Variants in CPLX1 observed in about 807,000 individuals in gnomAD.
The protein encoded by CPLX1 is complexin 1.
In CPLX1, 6 loss-of-function variants were observed where a neutral mutation model predicts 15.6. The observed-to-expected ratio is 0.39, with a 90% CI of 0.21 to 0.76. The LOEUF is 0.76. CPLX1 is among the 30% of genes least tolerant of loss of function. The pLI, the probability that CPLX1 is intolerant of heterozygous loss-of-function variation, is 0.43. For missense variants in CPLX1, 242 were observed against 188.6 expected (o/e 1.28, Z -1.66); for synonymous variants, 91 against 75.2 (o/e 1.21, Z -1.08).
intron 2 of CPLX1, among the ~76,000 whole-genome samples, chr4:820,817 C>T (rs6599383): frequency 0.43 from 54,963 of 128,840 alleles, 10,325 homozygotes; most frequent in Middle Eastern, 0.54. Flanking sequence ...CCTCACCAGC[C>T]TCGCGTGAAC....
At chr4:788,663 TC>T in intron 3 of CPLX1, 1 of 891,306 alleles carries the variant, frequency 1.1e-6, no homozygotes, top group Non-Finnish European at 1.3e-6. Context: ...GGGCAGCAGC[TC>T]CAGGCACGGA....
rs924311698 is a variant in CPLX1 at position 809,004 on chromosome 4, G to T, written c.31+15488C>A. On this transcript the variant is annotated intron_variant, in intron 2 of 3. Coordinates refer to ENST00000304062, the MANE Select transcript of CPLX1 (RefSeq NM_006651.4). ...AGAGATAGCGATAGAGATAGAGAGC[G>T]CGCGAGTGCGCGGGCGGCAGGCCGG... Among the ~76,000 whole-genome samples, 5 of 152,274 alleles carry T rather than the reference G, an allele frequency of 3.3e-5. 1 individual carries two copies. In the South Asian group the frequency reaches 1.0e-3, roughly 31 times the overall value.
At chr4:787,283 A>C in intron 3 of CPLX1, 1 of 985,346 alleles carries the variant, frequency 1.0e-6, no homozygotes, top group South Asian at 4.7e-5. Context: ...GTGTCCTGGA[A>C]TCCCGCCTAG....
intron 1 of CPLX1, 181 bp from the exon 2 acceptor site, chr4:824,782 G>A (rs570724618): frequency 1.5e-5 from 10 of 679,512 alleles, no homozygotes; most frequent in African/African-American, 5.3e-5. Context: ...GACCCCAGAG[G>A]ACCTGAAAAT....
chr4:810,975 G>A (rs2152646929), intron 2 of CPLX1, among the ~76,000 whole-genome samples: 1 of 152,144 alleles, frequency 6.6e-6, no homozygotes, highest in East Asian at 1.9e-4. Flanking sequence ...GGGATTACAG[G>A]TGTAAGCCAC....
chr4:819,464 G>A (rs562585488), intron 2 of CPLX1, among the ~76,000 whole-genome samples: 5 of 152,346 alleles, frequency 3.3e-5, no homozygotes, highest in African/African-American at 9.6e-5. Flanking sequence ...TCGACCACAC[G>A]GCGTTTGTGA....
intron 2 of CPLX1, among the ~76,000 whole-genome samples, chr4:818,274 C>G (rs758102569): frequency 2.6e-5 from 4 of 152,236 alleles, no homozygotes; most frequent in Non-Finnish European, 5.9e-5. Context: ...GACCTGCTCA[C>G]CTGCTGACAC....
chr4:789,628 G>A (rs533455168), intron 3 of CPLX1, among the ~76,000 whole-genome samples: 6 of 152,266 alleles, frequency 3.9e-5, no homozygotes, highest in Admixed American at 6.5e-5. Context: ...GGACAAGGGC[G>A]GGTCAGTGCG....
intron 2 of CPLX1, among the ~76,000 whole-genome samples, chr4:815,410 CAAAAA>C (rs71166897): frequency 1.4e-4 from 13 of 93,352 alleles, no homozygotes; most frequent in African/African-American, 4.2e-4. Flanking sequence ...GACTCCGTCT[CAAAAA>C]AAAAAAAAAA....
At chr4:794,900 A>G (rs1746287699) in intron 2 of CPLX1, among the ~76,000 whole-genome samples, 1 of 152,164 alleles carries the variant, frequency 6.6e-6, no homozygotes, top group Non-Finnish European at 1.5e-5. Flanking sequence ...GCCGGCATTT[A>G]TAGAGCACCA....
intron 2 of CPLX1, among the ~76,000 whole-genome samples, chr4:795,823 C>A (rs1036212410): frequency 2.3e-4 from 35 of 151,716 alleles, no homozygotes; most frequent in African/African-American, 8.2e-4. Context: ...GGGTGCAGAT[C>A]GCGGCGCCTC....
At chr4:788,449 GCC>G in intron 3 of CPLX1, 1 of 985,370 alleles carries the variant, frequency 1.0e-6, no homozygotes, top group Non-Finnish European at 1.2e-6. Flanking sequence ...CCGTGGGCTC[GCC>G]CTAGTCCTCA....
chr4:818,338 G>T (rs1488121451), intron 2 of CPLX1, among the ~76,000 whole-genome samples: 1 of 152,264 alleles, frequency 6.6e-6, no homozygotes, highest in Admixed American at 6.5e-5. Flanking sequence ...CAAGCTGATT[G>T]TGGACCAGCC....
At chr4:819,770 C>T (rs948392571) in intron 2 of CPLX1, among the ~76,000 whole-genome samples, 1 of 152,216 alleles carries the variant, frequency 6.6e-6, no homozygotes, top group Admixed American at 6.5e-5. Flanking sequence ...CTGTAAAGAC[C>T]ACCACTAAAC....
At chr4:790,747 G>A (rs540890127) in intron 3 of CPLX1, among the ~76,000 whole-genome samples, 20 of 152,068 alleles carry the variant, frequency 1.3e-4, no homozygotes, top group South Asian at 4.2e-4. Flanking sequence ...GCCCACCATC[G>A]CTTTGTGTCC....
intron 2 of CPLX1, among the ~76,000 whole-genome samples, chr4:793,529 C>A (rs1297695129): frequency 6.6e-6 from 1 of 152,230 alleles, no homozygotes; most frequent in Admixed American, 6.5e-5. Context: ...GGAGCCCTGG[C>A]CCTCGGCAGC....
At position 800,588 on chromosome 4, in the gene CPLX1, G is replaced by GTA. The variant is rs886585727; in HGVS notation, c.32-7982_32-7981dup. On this transcript the variant is annotated intron_variant, in intron 2 of 3. Coordinates refer to ENST00000304062, the MANE Select transcript of CPLX1 (RefSeq NM_006651.4). ...TATGTGTGTGTGTGTGTATATATAT[G>GTA]TATATATATATATATTAGCCAGACA... 3.0e-3 allele frequency among the ~76,000 whole-genome samples: 373 copies of GTA among 124,110 alleles called. 3 individuals carry two copies. Among genetic ancestry groups the GTA allele is most frequent in the Non-Finnish European group, 2.9e-3 (173 of 59,732 alleles). The allele number at this position is 124,110 out of a possible 152,430, so 81.4% of individuals were successfully genotyped here. A position where few individuals can be genotyped will look rare whatever the true frequency, so the allele number is the denominator to read the frequency against.
intron 2 of CPLX1, among the ~76,000 whole-genome samples, chr4:793,994 T>C (rs774592487): frequency 8.5e-5 from 13 of 152,248 alleles, no homozygotes; most frequent in African/African-American, 1.4e-4. Context: ...CCTGGCGCTC[T>C]GGGTTCCCCC....
intron 2 of CPLX1, among the ~76,000 whole-genome samples, chr4:807,199 T>G (rs964526341): frequency 6.6e-6 from 1 of 152,198 alleles, no homozygotes; most frequent in African/African-American, 2.4e-5. Context: ...CTGGAAGCCA[T>G]TATCTTCAGC....
Sources: allele counts gnomAD v4.1 joint callset (sites outside exome capture counted in the v4.1 genomes callset), GRCh38; gene constraint gnomAD v4.1.1; transcripts MANE v1.5; gene names NCBI Gene and HGNC (gene_info 2026-07-23, HGNC 2026-07-21).